ANKIB1: variants seen among roughly 807,000 people sequenced by gnomAD.
ANKIB1 encodes the protein ankyrin repeat and IBR domain containing 1.
ANKIB1 carries 43 observed loss-of-function variants against 122.1 expected under a neutral mutation model. That is an observed-to-expected ratio of 0.35 (90% CI 0.28 to 0.45). ANKIB1 has a LOEUF of 0.45. Among genes scored for constraint, ANKIB1 ranks in the 20% least tolerant of loss-of-function variants. The pLI is 1.00. For synonymous variants in ANKIB1, 390 were observed against 442.0 expected (o/e 0.88, Z 1.48); for missense variants, 992 against 1,329.5 (o/e 0.75, Z 3.95).
At chr7:92,308,048 T>C (rs548077747) in intron 3 of ANKIB1, among the ~76,000 whole-genome samples, 1 of 152,120 alleles carries the variant, frequency 6.6e-6, no homozygotes, top group East Asian at 1.9e-4. Flanking sequence ...ATTTTTGTAT[T>C]TTTAGTAGAG....
At chr7:92,378,480 CAAA>C (rs146294657) in intron 11 of ANKIB1, among the ~76,000 whole-genome samples, 11 of 80,384 alleles carry the variant, frequency 1.4e-4, no homozygotes, top group Admixed American at 2.8e-4. Context: ...AGCTATTTGA[CAAA>C]AAAAAAAAAA....
intron 1 of ANKIB1, among the ~76,000 whole-genome samples, chr7:92,261,303 C>T (rs923402190): frequency 1.0e-4 from 15 of 147,730 alleles, no homozygotes; most frequent in African/African-American, 1.8e-4. Flanking sequence ...GAGCCGAGAT[C>T]GCGCCACTGC....
chr7:92,377,753 A>C (rs1418257462), intron 11 of ANKIB1, among the ~76,000 whole-genome samples: 1 of 152,184 alleles, frequency 6.6e-6, no homozygotes, highest in Non-Finnish European at 1.5e-5. Flanking sequence ...TATTTATTAA[A>C]ACTGATCCTA....
intron 5 of ANKIB1, among the ~76,000 whole-genome samples, chr7:92,342,157 G>A (rs866911803): frequency 6.6e-6 from 1 of 152,046 alleles, no homozygotes; most frequent in African/African-American, 2.4e-5. Flanking sequence ...AGTCTTCTCA[G>A]AAATAGTGTG....
At chr7:92,296,687 A>G (rs767065580) in intron 2 of ANKIB1, among the ~76,000 whole-genome samples, 18 of 152,050 alleles carry the variant, frequency 1.2e-4, no homozygotes, top group African/African-American at 2.9e-4. Context: ...CTGCCTACCT[A>G]TATTAATAAC....
intron 14 of ANKIB1, among the ~76,000 whole-genome samples, chr7:92,388,978 A>G (rs1468606683): frequency 6.6e-6 from 1 of 152,222 alleles, no homozygotes; most frequent in Non-Finnish European, 1.5e-5. Flanking sequence ...AGTCCTCACA[A>G]GTCGTACAGC....
chr7:92,340,183 C>G (rs1803406093), intron 5 of ANKIB1, among the ~76,000 whole-genome samples: 1 of 152,126 alleles, frequency 6.6e-6, no homozygotes, highest in Non-Finnish European at 1.5e-5. Flanking sequence ...CTTTCTGCAG[C>G]TGTTTCTCTG....
chr7:92,321,526 G>A (rs1479132609), intron 4 of ANKIB1, among the ~76,000 whole-genome samples: 1 of 152,128 alleles, frequency 6.6e-6, no homozygotes, highest in Non-Finnish European at 1.5e-5. Context: ...TGTTTTCAGT[G>A]TTTGAAACAC....
chr7:92,253,914 G>A (rs1801383489), intron 1 of ANKIB1, among the ~76,000 whole-genome samples: 1 of 152,142 alleles, frequency 6.6e-6, no homozygotes, highest in African/African-American at 2.4e-5. Flanking sequence ...TCTTTCTTGA[G>A]TCTTGGCTGG....
intron 3 of ANKIB1, among the ~76,000 whole-genome samples, chr7:92,309,923 TAAAA>T (rs869276384): frequency 4.4e-4 from 42 of 96,046 alleles, no homozygotes; most frequent in African/African-American, 1.7e-3. Flanking sequence ...AGACTCCATC[TAAAA>T]AAAAAAAAAA....
intron 1 of ANKIB1, among the ~76,000 whole-genome samples, chr7:92,270,686 C>T (rs940242164): frequency 4.0e-5 from 6 of 150,470 alleles, no homozygotes; most frequent in African/African-American, 4.9e-5. Flanking sequence ...CTCTGCCACT[C>T]GCTAGCCTTT....
intron 5 of ANKIB1, among the ~76,000 whole-genome samples, chr7:92,330,847 A>G (rs1244364000): frequency 6.6e-6 from 1 of 152,176 alleles, no homozygotes; most frequent in Admixed American, 6.5e-5. Flanking sequence ...GTCTCAAAAC[A>G]AAAACAAAAA....
Position 92,399,026 on chromosome 7 carries a change from G to A in ANKIB1, c.*77G>A. Reference sequence around the variant, plus strand: ...GTGGAGTATGCTTGATAGAGACTTTGATTCACTTAATTCCAACTCAGTGAT... The same window carrying A: ...GTGGAGTATGCTTGATAGAGACTTTAATTCACTTAATTCCAACTCAGTGAT... On this transcript the variant is annotated 3_prime_UTR_variant, in exon 20 of 20. Transcript: ENST00000265742. 1 of 1,425,868 alleles carries A rather than the reference G, an allele frequency of 7.0e-7. No homozygotes were observed. The allele number at this position is 1,425,868 out of a possible 1,614,324, so 88.3% of individuals were successfully genotyped here. A position where few individuals can be genotyped will look rare whatever the true frequency, so the allele number is the denominator to read the frequency against.
chr7:92,393,525 C>T (rs1280386831), intron 17 of ANKIB1, among the ~76,000 whole-genome samples: 1 of 151,924 alleles, frequency 6.6e-6, no homozygotes, highest in African/African-American at 2.4e-5. Context: ...TAATGATTTC[C>T]GTGTTTTAAG....
chr7:92,318,649 A>C (rs1360101795), intron 3 of ANKIB1, among the ~76,000 whole-genome samples: 3 of 152,186 alleles, frequency 2.0e-5, no homozygotes, highest in Non-Finnish European at 4.4e-5. Context: ...TAATAACAAC[A>C]TACTTAATTT....
intron 5 of ANKIB1, among the ~76,000 whole-genome samples, chr7:92,338,911 CAAAAAA>C (rs1184392588): frequency 5.5e-3 from 116 of 21,148 alleles, no homozygotes; most frequent in East Asian, 0.015. Context: ...GACTCCATCT[CAAAAAA>C]AAAAAAAAAA....
chr7:92,324,598 C>T (rs981196840), intron 4 of ANKIB1, among the ~76,000 whole-genome samples: 2 of 152,110 alleles, frequency 1.3e-5, no homozygotes, highest in Non-Finnish European at 2.9e-5. Context: ...CTACTTTGAC[C>T]CTGGTTGACT....
chr7:92,330,927 G>A (rs1167524734), intron 5 of ANKIB1, among the ~76,000 whole-genome samples: 1 of 152,114 alleles, frequency 6.6e-6, no homozygotes, highest in African/African-American at 2.4e-5. Flanking sequence ...AACTTATACA[G>A]AAACACAAAA....
chr7:92,390,417 A>G (rs1804761210), intron 15 of ANKIB1, among the ~76,000 whole-genome samples: 2 of 152,180 alleles, frequency 1.3e-5, no homozygotes. Context: ...TTCTGATTAT[A>G]TAATTAAGGA....
Sources: gnomAD v4.1 joint callset for allele counts (sites outside exome capture counted in the v4.1 genomes callset) on GRCh38, gnomAD v4.1.1 for gene constraint, MANE v1.5 for transcripts, NCBI Gene and HGNC (gene_info 2026-07-23, HGNC 2026-07-21) for gene names.